Variants in GABRB3 observed in about 807,000 individuals in gnomAD.
GABRB3 encodes gamma-aminobutyric acid receptor subunit beta-3.
Under a neutral mutation model 52.1 loss-of-function variants are expected in GABRB3, and 14 were observed. The ratio of observed to expected loss-of-function variants is 0.27; its 90% confidence interval spans 0.18 to 0.42. The LOEUF (loss-of-function observed/expected upper bound fraction) is 0.42, where lower values mean the gene tolerates loss of function less well. GABRB3 is among the 10% of genes least tolerant of loss of function. GABRB3 has a pLI of 1.00. For synonymous variants in GABRB3, 260 were observed against 232.3 expected, an observed-to-expected ratio of 1.12 and a Z score of -1.08; for missense variants, 307 against 609.1, an observed-to-expected ratio of 0.50 and a Z score of 5.22.
intron 4 of GABRB3, among the ~76,000 whole-genome samples, chr15:26,586,563 A>G (rs995376486): frequency 6.6e-6 from 1 of 151,762 alleles, no homozygotes; most frequent in African/African-American, 2.4e-5. Context: ...CACCAAGTAC[A>G]GTAGCTGTCC....
chr15:26,686,997 C>T (rs1888427945), intron 3 of GABRB3, among the ~76,000 whole-genome samples: 1 of 152,266 alleles, frequency 6.6e-6, no homozygotes, highest in African/African-American at 2.4e-5. Context: ...CCCGCCAGCT[C>T]TGGTGCACCA....
At chr15:26,714,506 G>A (rs969341149) in intron 3 of GABRB3, among the ~76,000 whole-genome samples, 6 of 152,154 alleles carry the variant, frequency 3.9e-5, no homozygotes, top group East Asian at 1.9e-4. Context: ...TGGAAAGGCC[G>A]AACAACTCAA....
At chr15:26,648,866 G>T (rs967769996) in intron 3 of GABRB3, among the ~76,000 whole-genome samples, 6 of 152,138 alleles carry the variant, frequency 3.9e-5, no homozygotes, top group African/African-American at 1.2e-4. Flanking sequence ...ACAGAAGGGG[G>T]TGCCTTCAGA....
intron 3 of GABRB3, among the ~76,000 whole-genome samples, chr15:26,667,715 A>G (rs1042272065): frequency 6.6e-6 from 1 of 152,138 alleles, no homozygotes; most frequent in African/African-American, 2.4e-5. Flanking sequence ...TATCAGCGTC[A>G]CCTGGGCACT....
At chr15:26,739,086 G>A (rs1170514048) in intron 3 of GABRB3, among the ~76,000 whole-genome samples, 1 of 152,136 alleles carries the variant, frequency 6.6e-6, no homozygotes, top group African/African-American at 2.4e-5. Flanking sequence ...GTGGCCCGCA[G>A]TGACCCAGCT....
chr15:26,763,607 T>TATACACAC (rs1555383192), intron 3 of GABRB3, among the ~76,000 whole-genome samples: 1 of 145,856 alleles, frequency 6.9e-6, no homozygotes, highest in African/African-American at 2.6e-5. Context: ...TCTGCATAGA[T>TATACACAC]ACACACACAC....
At chr15:26,651,069 T>C (rs958631048) in intron 3 of GABRB3, among the ~76,000 whole-genome samples, 2 of 152,206 alleles carry the variant, frequency 1.3e-5, no homozygotes, top group African/African-American at 2.4e-5. Flanking sequence ...AAAAAGGCTG[T>C]TACACAGGCC....
At chr15:26,752,248 T>TATTC (rs2140172977) in intron 3 of GABRB3, among the ~76,000 whole-genome samples, 1 of 146,970 alleles carries the variant, frequency 6.8e-6, no homozygotes, top group East Asian at 2.0e-4. Flanking sequence ...TTTATTTATT[T>TATTC]ATTTATTTAT....
rs1281660493 is a variant in GABRB3 at position 26,739,819 on chromosome 15, T to C, written c.240+32583A>G. 2.0e-5 allele frequency among the ~76,000 whole-genome samples: 3 copies of C among 152,310 alleles called. No individual in the cohort carries two copies. In the East Asian group the frequency reaches 5.8e-4, roughly 29 times the overall value. ...TCTTAATTGGACTATCCATCGTTTA[T>C]CTTTCCTTTATGCTAGGAAAAGAAT... On this transcript the variant is annotated intron_variant, in intron 3 of 8. Transcript: ENST00000311550.
At chr15:26,628,682 C>CA (rs961092055) in intron 3 of GABRB3, among the ~76,000 whole-genome samples, 28 of 138,838 alleles carry the variant, frequency 2.0e-4, no homozygotes, top group Non-Finnish European at 3.2e-4. Flanking sequence ...GCAAAAAAAA[C>CA]AAAAAAACAA....
intron 4 of GABRB3, among the ~76,000 whole-genome samples, chr15:26,605,603 G>A (rs1891759076): frequency 6.6e-6 from 1 of 152,172 alleles, no homozygotes; most frequent in African/African-American, 2.4e-5. Context: ...AAAAATGAAT[G>A]AGATTCTGTC....
intron 3 of GABRB3, among the ~76,000 whole-genome samples, chr15:26,687,302 T>G (rs1478959859): frequency 6.6e-6 from 1 of 152,222 alleles, no homozygotes; most frequent in Admixed American, 6.5e-5. Flanking sequence ...TATGGGAGAT[T>G]TAGAATCTGG....
At position 26,620,305 on chromosome 15, in the gene GABRB3, T is replaced by G. The variant is rs534990334; in HGVS notation, c.461+1009A>C. 1.2e-4 allele frequency among the ~76,000 whole-genome samples: 19 copies of G among 152,298 alleles called. No individual in the cohort carries two copies. The South Asian group carries it at 3.3e-3, about 27-fold the overall frequency. On this transcript the variant is annotated intron_variant, in intron 4 of 8. Transcript: ENST00000311550. ...TATACTGCGGTTCTGAGAAAGTCACTCACATGTTCTATTTGAGGCTATGTT... is the reference window on the plus strand; with the variant it reads ...TATACTGCGGTTCTGAGAAAGTCACGCACATGTTCTATTTGAGGCTATGTT...
At chr15:26,606,824 A>ATATCTATCGATAGATATATC in intron 4 of GABRB3, among the ~76,000 whole-genome samples, 1 of 118,026 alleles carries the variant, frequency 8.5e-6, no homozygotes, top group Non-Finnish European at 2.1e-5. Context: ...ATAGATAGAT[A>ATATCTATCGATAGATATATC]GATAGATAGA....
At chr15:26,618,929 A>G (rs2140531700) in intron 4 of GABRB3, among the ~76,000 whole-genome samples, 1 of 149,698 alleles carries the variant, frequency 6.7e-6, no homozygotes, top group South Asian at 2.2e-4. Flanking sequence ...GCTCACCATC[A>G]CTGGCCATCA....
intron 4 of GABRB3, among the ~76,000 whole-genome samples, chr15:26,590,701 CT>C (rs1232958012): frequency 6.7e-6 from 1 of 149,784 alleles, no homozygotes; most frequent in African/African-American, 2.6e-5. Flanking sequence ...TATCCAAAGG[CT>C]TTTGCTATGG....
intron 3 of GABRB3, among the ~76,000 whole-genome samples, chr15:26,704,574 AATC>A (rs1452794508): frequency 4.6e-5 from 7 of 151,836 alleles, no homozygotes; most frequent in Non-Finnish European, 8.8e-5. Flanking sequence ...TTTAATTATA[AATC>A]ATCTTTAAAT....
chr15:26,750,217 G>C (rs1890466455), intron 3 of GABRB3: 1 of 152,186 alleles, frequency 6.6e-6, no homozygotes, highest in Non-Finnish European at 1.5e-5. Context: ...CTCTAGGAGA[G>C]GTTCAGTGAA....
intron 8 of GABRB3, among the ~76,000 whole-genome samples, chr15:26,557,163 C>G (rs778829452): frequency 1.1e-4 from 17 of 152,094 alleles, no homozygotes; most frequent in Non-Finnish European, 2.4e-4. Flanking sequence ...CCTAAGGTAA[C>G]TAACACAGGA....
Sources: allele counts gnomAD v4.1 joint callset (sites outside exome capture counted in the v4.1 genomes callset), GRCh38; gene constraint gnomAD v4.1.1; transcripts MANE v1.5; gene names NCBI Gene and HGNC (gene_info 2026-07-23, HGNC 2026-07-21).